UBR1: variants seen among roughly 807,000 people sequenced by gnomAD.
UBR1 encodes the protein E3 ubiquitin-protein ligase UBR1.
A neutral mutation model predicts 242.1 loss-of-function variants in UBR1; 102 were observed. The ratio of observed to expected loss-of-function variants is 0.42; its 90% CI spans 0.36 to 0.50. The LOEUF (loss-of-function observed/expected upper bound fraction) is 0.50. Among genes scored for constraint, UBR1 ranks in the 20% least tolerant of loss-of-function variants. The pLI, the probability that UBR1 is intolerant of heterozygous loss-of-function variation, is 0.01. For missense variants in UBR1, 1,772 were observed against 2,101.8 expected (o/e 0.84, Z 3.07); for synonymous variants, 675 against 684.8 (o/e 0.99, Z 0.22).
intron 9 of UBR1, 135 bp from the exon 10 acceptor site, chr15:43,058,564 G>T: frequency 1.6e-6 from 1 of 614,036 alleles, no homozygotes; most frequent in Non-Finnish European, 2.9e-6. Flanking sequence ...AGTATTTATT[G>T]TATTAATATT....
intron 20 of UBR1, 34 bp from the exon 21 acceptor site, chr15:43,030,102 GA>G (rs767205549): frequency 3.1e-6 from 5 of 1,599,530 alleles, no homozygotes; most frequent in Middle Eastern, 1.7e-4. Context: ...AAAAAAAGTA[GA>G]ATAATTATTT....
chr15:43,048,702 A>C (rs1376521833), intron 12 of UBR1, among the ~76,000 whole-genome samples: 2 of 152,226 alleles, frequency 1.3e-5, no homozygotes, highest in Non-Finnish European at 2.9e-5. Flanking sequence ...GGCAGATATC[A>C]AGCTAAACCT....
At chr15:43,050,432 G>A (rs578063341) in intron 12 of UBR1, among the ~76,000 whole-genome samples, 2 of 152,038 alleles carry the variant, frequency 1.3e-5, no homozygotes, top group Non-Finnish European at 2.9e-5. Context: ...AAGTGAGGCC[G>A]GGTGCAGTGG....
Position 42,988,809 on chromosome 15 carries a change from T to C in UBR1, c.3997+10A>G, listed in dbSNP as rs1596087539. ...TGAAACCTCCAAACCAGTTTTCTTA[T>C]GAGCTTTACCAATTGCCTGGATAGT... On this transcript the variant is annotated intron_variant, in intron 35 of 46. Transcript: ENST00000290650. 1.9e-6 allele frequency: 3 copies of C among 1,611,722 alleles called. No individual in the cohort carries two copies. Among genetic ancestry groups the C allele is most frequent in the Non-Finnish European group, 2.5e-6 (3 of 1,177,998 alleles).
rs2034032881 is a variant in UBR1, at chr15:43,086,126, C to T, written c.196G>A (p.Val66Ile). 1 of 1,613,870 alleles carries T rather than the reference C, an allele frequency of 6.2e-7. No homozygotes were observed. The highest frequency in any genetic ancestry group is 1.3e-5 in the African/African-American group (1 of 74,870). Residue 66 changes from valine (V) to isoleucine (I), a missense_variant, in exon 2 of 47, where the codon GTA (valine) becomes ATA (isoleucine). Physicochemically the swap from Val to Ile is conservative, Grantham distance 29 (BLOSUM62 3). This residue lies in a region of UBR1 where 734 missense variants were observed against 893.3 expected (regional missense o/e 0.82). Coordinates refer to ENST00000290650, the MANE Select transcript of UBR1 (RefSeq NM_174916.3). The stretch of plus-strand genomic sequence containing the variant: ...AGTGGAGTGAATATTGACATTTGTA[C>T]ACTTTCCTCCTGCTTTTCCAAGTCT... ...DPDLEKQEES[V>I]QMSIFTPLEW...
intron 1 of UBR1, among the ~76,000 whole-genome samples, chr15:43,103,913 T>A (rs114229540): frequency 3.3e-5 from 5 of 151,906 alleles, no homozygotes; most frequent in Non-Finnish European, 7.4e-5. Flanking sequence ...AAAACAGTAA[T>A]AGCTTTTAAA....
In UBR1 at chr15:42,958,035, G is replaced by T; in HGVS notation, c.4813C>A (p.Leu1605Met). 1 of 1,613,574 alleles carries T rather than the reference G, an allele frequency of 6.2e-7. No individual in the cohort carries two copies. The highest frequency in any genetic ancestry group is 8.5e-7 in the Non-Finnish European group (1 of 1,179,788). The change falls in exon 44 of 47, where the codon CTG (leucine) becomes ATG (methionine). Residue 1605 changes from leucine to methionine, a missense_variant. By Grantham distance (15) the Leu-to-Met change is conservative. Coordinates refer to ENST00000290650, the MANE Select transcript of UBR1 (RefSeq NM_174916.3). The stretch of plus-strand genomic sequence containing the variant: ...TACCTGAAATGAGAAGCTTGATTCA[G>T]GAGGCAGCTATAGTCATCAGGAAGC... ...IELPDDYSCL[L>M]NQASHFRCPR...
Position 42,944,039 on chromosome 15 carries a change from T to C in UBR1, c.*1290A>G, listed in dbSNP as rs1249063872. 1 of 152,170 alleles carries C rather than the reference T, an allele frequency of 6.6e-6. No individual in the cohort carries two copies. The highest frequency in any genetic ancestry group is 2.4e-5 in the African/African-American group (1 of 41,430). The allele number at this position is 152,170 out of a possible 1,614,324, so 9.4% of individuals were successfully genotyped here. A position where few individuals can be genotyped will look rare whatever the true frequency, so the allele number is the denominator to read the frequency against. On this transcript the variant is annotated 3_prime_UTR_variant, in exon 47 of 47. Transcript: ENST00000290650. ...TGAGCAAAAAGAAGGTAGGAAAACA[T>C]TTACACACATATGTGAGACACTAAT... is the stretch of plus-strand genomic sequence containing the variant.
intron 20 of UBR1, among the ~76,000 whole-genome samples, chr15:43,030,875 C>T (rs767227119): frequency 7.2e-5 from 11 of 152,160 alleles, no homozygotes; most frequent in Non-Finnish European, 1.3e-4. Context: ...TGCCAAAGAA[C>T]GACTTTTTGT....
chr15:43,014,913 G>A (rs1358844941), intron 29 of UBR1, among the ~76,000 whole-genome samples: 18 of 150,648 alleles, frequency 1.2e-4, no homozygotes, highest in Middle Eastern at 3.6e-3. Context: ...CAGCCACCCC[G>A]TCCGGGAGGG....
chr15:42,997,576 C>A (rs1567119577), intron 33 of UBR1, among the ~76,000 whole-genome samples: 1 of 152,078 alleles, frequency 6.6e-6, no homozygotes, highest in Non-Finnish European at 1.5e-5. Context: ...CCATTAATAG[C>A]CATACTTGTC....
At chr15:42,981,705 T>A (rs190150051) in intron 37 of UBR1, among the ~76,000 whole-genome samples, 1 of 152,316 alleles carries the variant, frequency 6.6e-6, no homozygotes, top group East Asian at 1.9e-4. Flanking sequence ...TTAGCCAGGA[T>A]GGTCTCGACC....
At chr15:43,070,444 A>T (rs1197208628) in intron 5 of UBR1, among the ~76,000 whole-genome samples, 2 of 152,132 alleles carry the variant, frequency 1.3e-5, no homozygotes, top group African/African-American at 4.8e-5. Context: ...CCTCCTGAGG[A>T]AACCAGACAT....
chr15:42,984,896 T>A lies in UBR1; in HGVS notation c.4044A>T (p.Gln1348His), dbSNP rs141869423. ...GTTGGAATATACATACCTGCCTATT[T>A]TGAAGTGCTCCAAACAGAGGTTTTC... ...DEGKPLFGAL[Q>H]NRQHNGLKAL... The change falls in exon 36 of 47, where the codon CAA becomes CAT. Residue 1348 changes from glutamine (Q) to histidine (H), a missense_variant. Physicochemically the swap from Gln to His is conservative, Grantham distance 24. Transcript: ENST00000290650. The A allele has an allele frequency of 5.6e-6, 9 of 1,612,256 alleles. No individual in the cohort carries two copies. In the African/African-American group the frequency reaches 1.2e-4, roughly 22 times the overall value.
At chr15:43,013,067 G>A (rs187286510) in intron 29 of UBR1, among the ~76,000 whole-genome samples, 7 of 152,212 alleles carry the variant, frequency 4.6e-5, no homozygotes, top group African/African-American at 1.4e-4. Context: ...CACCACACCC[G>A]GCTAATTTTT....
chr15:43,048,079 T>C (rs913985234), intron 13 of UBR1, among the ~76,000 whole-genome samples: 2 of 151,564 alleles, frequency 1.3e-5, no homozygotes, highest in African/African-American at 4.8e-5. Context: ...CCCAGCTACT[T>C]GGGAGACTGA....
At chr15:43,003,799 C>T (rs1385284545) in intron 31 of UBR1, 38 bp downstream of exon 31, 4 of 1,595,420 alleles carry the variant, frequency 2.5e-6, no homozygotes, top group South Asian at 1.1e-5. Context: ...TTCAATGTTC[C>T]TAGTCTCTTT....
chr15:43,029,871 G>A (rs2033231571), intron 21 of UBR1, 73 bp downstream of exon 21: 54 of 1,587,568 alleles, frequency 3.4e-5, no homozygotes, highest in Middle Eastern at 1.7e-4. Context: ...TTTTGAAGTA[G>A]TTTCCAATTA....
chr15:43,015,008 C>G (rs1185486946), intron 29 of UBR1, among the ~76,000 whole-genome samples: 2 of 150,896 alleles, frequency 1.3e-5, no homozygotes, highest in East Asian at 4.0e-4. Flanking sequence ...GACGCCCCGA[C>G]TGGGAGGGAG....
Sources: gnomAD v4.1 joint callset for allele counts (sites outside exome capture counted in the v4.1 genomes callset) on GRCh38, gnomAD v4.1.1 for gene constraint, gnomAD v4.1.1 regional missense constraint, MANE v1.5 for transcripts, NCBI Gene and HGNC (gene_info 2026-07-23, HGNC 2026-07-21) for gene names.